The following SLC2A6 variants were observed in gnomAD, a reference collection of about 807,000 sequenced individuals.
SLC2A6 encodes solute carrier family 2, facilitated glucose transporter member 6.
A neutral mutation model predicts 47.8 loss-of-function variants in SLC2A6; 39 were observed. The ratio of observed to expected loss-of-function variants is 0.82; its 90% CI spans 0.63 to 1.07. The LOEUF (loss-of-function observed/expected upper bound fraction) is 1.07, where lower values mean the gene tolerates loss of function less well. Among genes scored for constraint, SLC2A6 ranks in the 50% least tolerant of loss-of-function variants. The probability of loss-of-function intolerance (pLI) is 0.00; values close to 1 mark genes in which losing one functional copy is unlikely to be tolerated. For synonymous variants in SLC2A6, 346 were observed against 324.1 expected (o/e 1.07, Z -0.73); for missense variants, 650 against 707.6 (o/e 0.92, Z 0.92).
Position 133,473,204 on chromosome 9 carries a change from C to T in SLC2A6, c.1269G>A (p.Glu423=). 6.2e-7 allele frequency: 1 copy of T among 1,602,532 alleles called. No homozygotes were observed. The highest frequency in any genetic ancestry group is 8.5e-7 in the Non-Finnish European group (1 of 1,175,542). ...CGCCACGGGCACGCAGGGGCAGGACCTCAGACATGAGCAGCCAGGTGATGG... is the reference window on the plus strand; with the variant it reads ...CGCCACGGGCACGCAGGGGCAGGACTTCAGACATGAGCAGCCAGGTGATGG... The part of the protein sequence containing the change: ...WGPITWLLMS[E]VLPLRARGVA... The change falls in exon 9 of 10, where the codon GAG becomes GAA. Residue 423 remains glutamate (E), a synonymous_variant. Transcript: ENST00000371899.
intron 1 of SLC2A6, 133 bp from the exon 2 acceptor site, chr9:133,478,549 T>G: frequency 4.2e-6 from 4 of 958,666 alleles, no homozygotes; most frequent in African/African-American, 1.7e-5. Context: ...GCCATTCACG[T>G]TCCCAGGGCC....
Position 133,474,955 on chromosome 9 carries a change from T to A in SLC2A6, c.927+6A>T. On this transcript the variant is annotated splice_donor_region_variant and intron_variant, in intron 6 of 9. Coordinates refer to ENST00000371899, the MANE Select transcript of SLC2A6 (RefSeq NM_017585.4). ...GGGTGGGCGCCGGCCGGGGCTGGGCTCTCACCAGCAGGACAGCGGTGCTGT... is the reference window on the plus strand; with the variant it reads ...GGGTGGGCGCCGGCCGGGGCTGGGCACTCACCAGCAGGACAGCGGTGCTGT... 1 of 1,532,320 alleles carries A rather than the reference T, an allele frequency of 6.5e-7. No individual in the cohort carries two copies. The highest frequency in any genetic ancestry group is 8.8e-7 in the Non-Finnish European group (1 of 1,138,258). The allele number at this position is 1,532,320 out of a possible 1,614,324, so 94.9% of individuals were successfully genotyped here. A position where few individuals can be genotyped will look rare whatever the true frequency, so the allele number is the denominator to read the frequency against.
At chr9:133,472,206 G>C in intron 9 of SLC2A6, 30 bp from the exon 10 acceptor site, 1 of 1,608,972 alleles carries the variant, frequency 6.2e-7, no homozygotes, top group Non-Finnish European at 8.5e-7. Flanking sequence ...CCGGGTCACA[G>C]GGAGAAGCTC....
At chr9:133,476,444 G>A (rs782096812) in intron 3 of SLC2A6, 108 bp from the exon 4 acceptor site, 1 of 927,024 alleles carries the variant, frequency 1.1e-6, no homozygotes, top group South Asian at 1.4e-5. Context: ...GGAAGTGGAG[G>A]CTTTCTGGTG....
rs1008107109 is a variant in SLC2A6, at chr9:133,477,137, C to T, written c.360G>A (p.Ala120=). ...CACCCGCCATGAGCGCATAGCCGGC[C>T]GCCGACGGCACAGCTGAGAACATGA... The part of the protein sequence containing the change: ...LSIMFSAVPS[A]AGYALMAGAH... The change falls in exon 3 of 10, where the codon GCG becomes GCA. Residue 120 remains alanine, a synonymous_variant. Transcript: ENST00000371899. 3.9e-5 allele frequency: 60 copies of T among 1,549,474 alleles called. No homozygotes were observed. Among genetic ancestry groups the T allele is most frequent in the African/African-American group, 1.2e-4 (9 of 73,056 alleles).
Position 133,477,167 on chromosome 9 carries a change from C to CA in SLC2A6, c.329dup (p.Ser111GlufsTer49). 6.4e-7 allele frequency: 1 copy of CA among 1,550,474 alleles called. No homozygotes were observed. The highest frequency in any genetic ancestry group is 8.7e-7 in the Non-Finnish European group (1 of 1,146,996). Reference sequence around the variant, plus strand: ...ACGGCACAGCTGAGAACATGATGCTCAGCTTCCGGCCCAGGAGGTCGTTGA... The same window carrying CA: ...ACGGCACAGCTGAGAACATGATGCTCAAGCTTCCGGCCCAGGAGGTCGTTGA... On this transcript the variant is annotated frameshift_variant, in exon 3 of 10. Coordinates refer to ENST00000371899, the MANE Select transcript of SLC2A6 (RefSeq NM_017585.4). LOFTEE classifies it high-confidence loss of function.
intron 8 of SLC2A6, 78 bp downstream of exon 8, chr9:133,473,337 T>C (rs1490521914): frequency 6.5e-6 from 10 of 1,538,276 alleles, no homozygotes; most frequent in East Asian, 2.4e-5. Context: ...GAGACCCCCC[T>C]CTCCAGCCAC....
rs767052534 is a variant in SLC2A6 at position 133,474,003 on chromosome 9, C to A, written c.1013G>T (p.Arg338Leu). Residue 338 changes from arginine (R) to leucine (L), a missense_variant, in exon 7 of 10, where the codon CGC becomes CTC. Physicochemically the swap from Arg to Leu is moderately radical, Grantham distance 102. Transcript: ENST00000371899. Reference sequence around the variant, plus strand: ...ACCTGAGACGAAGAGCAGCACCTTGCGGCCTGCGAGGTCCATGGTGAGGGC... The same window carrying A: ...ACCTGAGACGAAGAGCAGCACCTTGAGGCCTGCGAGGTCCATGGTGAGGGC... ...IAALTMDLAGRKVLLFVSAAI... is the reference protein window; with the variant it reads ...IAALTMDLAGLKVLLFVSAAI... The A allele has an allele frequency of 1.9e-6, 3 of 1,609,562 alleles. No homozygotes were observed. The highest frequency in any genetic ancestry group is 2.2e-5 in the East Asian group (1 of 44,786).
intron 9 of SLC2A6, 126 bp from the exon 10 acceptor site, chr9:133,472,302 C>G (rs1843751117): frequency 7.4e-6 from 8 of 1,084,600 alleles, no homozygotes; most frequent in Non-Finnish European, 1.0e-5. Context: ...TTCCTGTGTT[C>G]AGAGACCGCC....
chr9:133,478,563 GC>G, intron 1 of SLC2A6, 147 bp from the exon 2 acceptor site: 1 of 827,974 alleles, frequency 1.2e-6, no homozygotes, highest in Non-Finnish European at 1.9e-6. Flanking sequence ...CAGGGCCTGA[GC>G]CCCAGCTCCC....
chr9:133,478,402 T>C lies in SLC2A6; in HGVS notation c.107A>G (p.Lys36Arg), dbSNP rs115492351. ...GGCGAAGGTGGCCAGGAACACCCTT[T>C]TGTTCTGCAGGGTCCTGGTGATGGT... ...DRARVGTLQNKRVFLATFAAV... is the reference protein window; with the variant it reads ...DRARVGTLQNRRVFLATFAAV... The change falls in exon 2 of 10, where the codon AAA (lysine) becomes AGA (arginine). Residue 36 changes from lysine (K) to arginine (R), a missense_variant. Physicochemically the swap from Lys to Arg is conservative, Grantham distance 26 (BLOSUM62 2). Coordinates refer to ENST00000371899, the MANE Select transcript of SLC2A6 (RefSeq NM_017585.4). 924 of 1,614,108 alleles carry C rather than the reference T, an allele frequency of 5.7e-4. 6 individuals carry two copies. In the African/African-American group the frequency reaches 0.011, roughly 19 times the overall value.
Position 133,473,468 on chromosome 9 carries a change from G to C in SLC2A6, c.1169C>G (p.Pro390Arg), listed in dbSNP as rs1554802295. ...GGGCACCAGGGTGAGGTAGCCAGCG[G>C]GTGCTGCCAGGGGCTGCGCCAAGTC... ...WGDLAQPLAA[P>R]AGYLTLVPLL... Residue 390 changes from proline to arginine, a missense_variant, in exon 8 of 10, where the codon CCC (proline) becomes CGC (arginine). Physicochemically the swap from Pro to Arg is moderately radical, Grantham distance 103 (BLOSUM62 -2). Coordinates refer to ENST00000371899, the MANE Select transcript of SLC2A6 (RefSeq NM_017585.4). 4 of 1,605,692 alleles carry C rather than the reference G, an allele frequency of 2.5e-6. No homozygotes were observed. Among genetic ancestry groups the C allele is most frequent in the Non-Finnish European group, 3.4e-6 (4 of 1,177,486 alleles).
At position 133,474,055 on chromosome 9, in the gene SLC2A6, C is replaced by T. The variant is rs782694774; in HGVS notation, c.961G>A (p.Val321Met). Residue 321 changes from valine to methionine, a missense_variant, in exon 7 of 10, where the codon GTG becomes ATG. By Grantham distance (21) the Val-to-Met change is conservative (BLOSUM62 1). Transcript: ENST00000371899. Reference protein sequence around the residue: ...PKDDAAIVGAVRLLSVLIAAL... With the variant: ...PKDDAAIVGAMRLLSVLIAAL... ...GCGATCAGCACGGACAGGAGCCGCA[C>T]GGCCCCAACGATGGCTGCGTCGTCC... 2.0e-5 allele frequency: 32 copies of T among 1,609,536 alleles called. No homozygotes were observed. The highest frequency in any genetic ancestry group is 1.5e-4 in the South Asian group (14 of 90,568).
At chr9:133,478,534 C>G in intron 1 of SLC2A6, 118 bp from the exon 2 acceptor site, 1 of 1,158,208 alleles carries the variant, frequency 8.6e-7, no homozygotes, top group South Asian at 1.5e-5. Flanking sequence ...AGGCCTGGGT[C>G]CAAGGCCATT....
Position 133,477,135 on chromosome 9 carries a change from G to T in SLC2A6, c.362C>A (p.Ala121Asp). ...SIMFSAVPSAAGYALMAGAHG... is the reference protein window; with the variant it reads ...SIMFSAVPSADGYALMAGAHG... The stretch of plus-strand genomic sequence containing the variant: ...CGCACCCGCCATGAGCGCATAGCCG[G>T]CCGCCGACGGCACAGCTGAGAACAT... The change falls in exon 3 of 10, where the codon GCC becomes GAC. Residue 121 changes from alanine to aspartate, a missense_variant. Transcript: ENST00000371899. The T allele has an allele frequency of 6.5e-7, 1 of 1,549,484 alleles. No homozygotes were observed. The highest frequency in any genetic ancestry group is 8.7e-7 in the Non-Finnish European group (1 of 1,146,506).
In SLC2A6 at chr9:133,478,295, G is replaced by A. The variant is rs200964858; in HGVS notation, c.214C>T (p.Pro72Ser). Residue 72 changes from proline to serine, a missense_variant, in exon 2 of 10, where the codon CCT (proline) becomes TCT (serine). By Grantham distance (74) the Pro-to-Ser change is moderately conservative. Transcript: ENST00000371899. ...VIPALERSLDPDLHLTKSQAS... is the reference protein window; with the variant it reads ...VIPALERSLDSDLHLTKSQAS... ...TGGGATTTGGTCAGATGCAGGTCAGGATCCAAGGAGCGCTCCAGGGCTGGG... is the reference window on the plus strand; with the variant it reads ...TGGGATTTGGTCAGATGCAGGTCAGAATCCAAGGAGCGCTCCAGGGCTGGG... 1 of 1,613,988 alleles carries A rather than the reference G, an allele frequency of 6.2e-7. No homozygotes were observed. Among genetic ancestry groups the A allele is most frequent in the Non-Finnish European group, 8.5e-7 (1 of 1,180,020 alleles).
chr9:133,478,463 T>C (rs1564470988), intron 1 of SLC2A6, 47 bp from the exon 2 acceptor site: 1 of 1,602,978 alleles, frequency 6.2e-7, no homozygotes, highest in East Asian at 2.2e-5. Context: ...GAGTCCCTCC[T>C]CCAGGGACCA....
chr9:133,475,637 C>T (rs1564468456), intron 4 of SLC2A6, 26 bp from the exon 5 acceptor site: 3 of 1,551,080 alleles, frequency 1.9e-6, no homozygotes, highest in African/African-American at 1.4e-5. Flanking sequence ...GGGTGAGGGG[C>T]CAGGTCCAGG....
chr9:133,472,539 C>A, intron 9 of SLC2A6, among the ~76,000 whole-genome samples: 1 of 152,244 alleles, frequency 6.6e-6, no homozygotes, highest in East Asian at 1.9e-4. Context: ...TTCTTGGACC[C>A]TCTAGGCTGA....
Sources: allele counts gnomAD v4.1 joint callset (sites outside exome capture counted in the v4.1 genomes callset), GRCh38; gene constraint gnomAD v4.1.1; transcripts MANE v1.5; gene names NCBI Gene and HGNC (gene_info 2026-07-23, HGNC 2026-07-21).